Variants in SDK1 observed in about 807,000 individuals in gnomAD.
The protein encoded by SDK1 is sidekick cell adhesion molecule 1, also known as protein sidekick-1.
SDK1 carries 157 observed loss-of-function variants against 245.5 expected under a neutral mutation model. That is an observed-to-expected ratio of 0.64 (90% CI 0.56 to 0.73). The LOEUF is 0.73. SDK1 is among the 30% of genes least tolerant of loss of function. The pLI is 0.00. For missense variants in SDK1, 3,583 were observed against 3,002.3 expected (o/e 1.19, Z -4.52); for synonymous variants, 1,647 against 1,278.5 (o/e 1.29, Z -6.15).
At chr7:4,158,126 T>C (rs556736584) in intron 30 of SDK1, among the ~76,000 whole-genome samples, 1 of 152,136 alleles carries the variant, frequency 6.6e-6, no homozygotes, top group Non-Finnish European at 1.5e-5. Flanking sequence ...GAGCAGAATC[T>C]TCCCCCTGGC....
chr7:4,224,982 C>CAAAAAAAAA (rs3038664), intron 40 of SDK1, among the ~76,000 whole-genome samples: 2 of 43,714 alleles, frequency 4.6e-5, no homozygotes, highest in African/African-American at 6.8e-5. Context: ...GACTCTGTCT[C>CAAAAAAAAA]AAAAAAAAAA....
At chr7:3,539,618 C>T (rs1778996574) in intron 1 of SDK1, among the ~76,000 whole-genome samples, 1 of 152,152 alleles carries the variant, frequency 6.6e-6, no homozygotes, top group African/African-American at 2.4e-5. Context: ...TCTTTCAAAA[C>T]CTTGCATCTG....
intron 5 of SDK1, among the ~76,000 whole-genome samples, chr7:3,882,667 T>A (rs182569186): frequency 2.4e-3 from 358 of 152,288 alleles, no homozygotes; most frequent in African/African-American, 8.2e-3. Context: ...CCTCCTTCCA[T>A]GAACAAACTG....
At chr7:3,683,213 T>C (rs1737457009) in intron 4 of SDK1, among the ~76,000 whole-genome samples, 1 of 152,194 alleles carries the variant, frequency 6.6e-6, no homozygotes, top group Non-Finnish European at 1.5e-5. Context: ...CATGAGTGTA[T>C]AGCTTTGTAT....
intron 17 of SDK1, among the ~76,000 whole-genome samples, chr7:4,048,943 G>A (rs765320895): frequency 6.6e-6 from 1 of 152,114 alleles, no homozygotes; most frequent in Admixed American, 6.5e-5. Context: ...TCAATGTAAT[G>A]AACAATTTAG....
chr7:4,266,467 C>T lies in SDK1; in HGVS notation c.*1083C>T. ...TCCCCTCCCTCTGTCCTGGCTTCTG[C>T]TGGCTGCTCGCAGCAGCCACCGCTT... On this transcript the variant is annotated 3_prime_UTR_variant, in exon 45 of 45. Coordinates refer to ENST00000404826, the MANE Select transcript of SDK1 (RefSeq NM_152744.4). 1.0e-6 allele frequency: 1 copy of T among 985,382 alleles called. No individual in the cohort carries two copies. Among genetic ancestry groups the T allele is most frequent in the Non-Finnish European group, 1.2e-6 (1 of 829,902 alleles). The allele number at this position is 985,382 out of a possible 1,614,324, so 61.0% of individuals were successfully genotyped here. A position where few individuals can be genotyped will look rare whatever the true frequency, so the allele number is the denominator to read the frequency against.
At chr7:4,049,506 C>T (rs772402861) in intron 18 of SDK1, 43 bp downstream of exon 18, 1 of 1,483,096 alleles carries the variant, frequency 6.7e-7, no homozygotes, top group South Asian at 1.1e-5. Flanking sequence ...CTGTCATTGT[C>T]TGGAGCCACA....
chr7:4,194,347 G>GTATATACATATATGTATACATGTATAT (rs1562415871), intron 35 of SDK1, among the ~76,000 whole-genome samples: 2 of 105,212 alleles, frequency 1.9e-5, no homozygotes, highest in African/African-American at 9.0e-5. Flanking sequence ...TACATGTATA[G>GTATATACATATATGTATACATGTATAT]ATATATGTAT....
At chr7:4,182,203 C>T (rs1324160305) in intron 35 of SDK1, among the ~76,000 whole-genome samples, 1 of 152,104 alleles carries the variant, frequency 6.6e-6, no homozygotes, top group African/African-American at 2.4e-5. Flanking sequence ...GCTTTTATCC[C>T]CTGAGGAGCG....
intron 1 of SDK1, among the ~76,000 whole-genome samples, chr7:3,380,215 A>G (rs543873385): frequency 6.6e-6 from 1 of 152,352 alleles, no homozygotes; most frequent in African/African-American, 2.4e-5. Flanking sequence ...CACTAGGTCA[A>G]TATCCGCAAC....
chr7:3,427,425 A>G (rs1284699773), intron 1 of SDK1, among the ~76,000 whole-genome samples: 9 of 151,660 alleles, frequency 5.9e-5, no homozygotes, highest in Non-Finnish European at 1.3e-4. Context: ...AGGCTGGAGC[A>G]GGAGAATCAC....
chr7:3,497,788 T>TA (rs1394676656), intron 1 of SDK1, among the ~76,000 whole-genome samples: 1 of 152,160 alleles, frequency 6.6e-6, no homozygotes, highest in Non-Finnish European at 1.5e-5. Context: ...CTTCCCAAAA[T>TA]AAAAACGCAC....
At chr7:3,674,780 C>T (rs953503728) in intron 4 of SDK1, among the ~76,000 whole-genome samples, 10 of 152,194 alleles carry the variant, frequency 6.6e-5, no homozygotes, top group African/African-American at 2.2e-4. Flanking sequence ...ACCAACATGA[C>T]GTCTTTCTAT....
rs536736545 is a variant in SDK1 at position 3,840,272 on chromosome 7, G to C, written c.847+18689G>C. ...GAGTGGGAGGAGCGGAAGAGGAGGG[G>C]GAGAAGAGAACATGTTGGGCCAATA... On this transcript the variant is annotated intron_variant, in intron 5 of 44. Transcript: ENST00000404826. Among the ~76,000 whole-genome samples the C allele has an allele frequency of 3.9e-5, 6 of 152,172 alleles. No individual in the cohort carries two copies. In the South Asian group the frequency reaches 1.2e-3, roughly 32 times the overall value.
At chr7:3,492,881 G>A (rs567000815) in intron 1 of SDK1, among the ~76,000 whole-genome samples, 16 of 152,306 alleles carry the variant, frequency 1.1e-4, no homozygotes, top group South Asian at 2.1e-4. Context: ...GAAAACACTA[G>A]GCATTTGAGA....
intron 5 of SDK1, among the ~76,000 whole-genome samples, chr7:3,854,287 A>C (rs905389745): frequency 6.6e-6 from 1 of 152,202 alleles, no homozygotes; most frequent in African/African-American, 2.4e-5. Context: ...AGAGAAGACT[A>C]CCTAAGCTCT....
At chr7:3,798,459 C>T (rs1005230959) in intron 4 of SDK1, among the ~76,000 whole-genome samples, 12 of 152,064 alleles carry the variant, frequency 7.9e-5, no homozygotes, top group African/African-American at 2.9e-4. Context: ...CCTTGTGATC[C>T]ACCCACCTTG....
At chr7:4,040,640 G>A (rs1027509853) in intron 17 of SDK1, among the ~76,000 whole-genome samples, 4 of 152,142 alleles carry the variant, frequency 2.6e-5, no homozygotes, top group African/African-American at 9.7e-5. Context: ...GATTTACATA[G>A]GGCATGAAAG....
intron 5 of SDK1, among the ~76,000 whole-genome samples, chr7:3,903,333 C>T (rs1026404830): frequency 4.6e-5 from 7 of 151,866 alleles, no homozygotes; most frequent in Admixed American, 2.6e-4. Flanking sequence ...TTAGTAGAGA[C>T]GAGGTTTCAC....
Sources: gnomAD v4.1 joint callset for allele counts (sites outside exome capture counted in the v4.1 genomes callset) on GRCh38, gnomAD v4.1.1 for gene constraint, MANE v1.5 for transcripts, NCBI Gene and HGNC (gene_info 2026-07-23, HGNC 2026-07-21) for gene names.